Variants in SMYD3 observed in about 807,000 individuals in gnomAD.
SMYD3 encodes the protein SET and MYND domain containing 3.
Under a neutral mutation model 57.7 loss-of-function variants are expected in SMYD3, and 36 were observed. The observed-to-expected ratio is 0.62, with a 90% CI of 0.48 to 0.82. The LOEUF (loss-of-function observed/expected upper bound fraction) is 0.82. Among genes scored for constraint, SMYD3 ranks in the 40% least tolerant of loss-of-function variants. SMYD3 has a pLI of 0.00. For missense variants in SMYD3, 515 were observed against 538.8 expected (o/e 0.96, Z 0.44); for synonymous variants, 211 against 195.0 (o/e 1.08, Z -0.68).
At chr1:246,040,406 GTGACCTTGGGCTCAGAATGGTGC>G (rs1269045772) in intron 5 of SMYD3, among the ~76,000 whole-genome samples, 1 of 152,186 alleles carries the variant, frequency 6.6e-6, no homozygotes, top group East Asian at 1.9e-4. Flanking sequence ...TCACGAAAAT[GTGACCTTGGGCTCAGAATGGTGC>G]TGACCCAACG....
Position 245,955,443 on chromosome 1 carries a change from C to T in SMYD3, c.532-25506G>A, listed in dbSNP as rs374438254. ...GATTGCCAGGTCATAGCTTTTATATCTTTATTCATAGTTTCCTCTTTTAAA... is the reference window on the plus strand; with the variant it reads ...GATTGCCAGGTCATAGCTTTTATATTTTTATTCATAGTTTCCTCTTTTAAA... On this transcript the variant is annotated intron_variant, in intron 5 of 11. Coordinates refer to ENST00000490107, the MANE Select transcript of SMYD3 (RefSeq NM_001167740.2). Among the ~76,000 whole-genome samples, 29 of 152,144 alleles carry T rather than the reference C, an allele frequency of 1.9e-4. No individual in the cohort carries two copies. In the South Asian group the frequency reaches 3.9e-3, roughly 21 times the overall value.
chr1:246,239,550 T>C (rs1321655224), intron 5 of SMYD3, among the ~76,000 whole-genome samples: 1 of 152,246 alleles, frequency 6.6e-6, no homozygotes, highest in Non-Finnish European at 1.5e-5. Context: ...GCAATAAACA[T>C]ACGTGTGCAT....
At chr1:246,234,328 T>C (rs572998993) in intron 5 of SMYD3, among the ~76,000 whole-genome samples, 2 of 151,516 alleles carry the variant, frequency 1.3e-5, no homozygotes, top group East Asian at 3.9e-4. Flanking sequence ...ACTCACACTG[T>C]GATGAACATG....
Position 246,210,970 on chromosome 1 carries a change from G to T in SMYD3, c.531+116231C>A, listed in dbSNP as rs149609263. Among the ~76,000 whole-genome samples the T allele has an allele frequency of 2.2e-3, 340 of 152,242 alleles. 3 individuals are homozygous for T. The highest frequency in any genetic ancestry group is 7.9e-3 in the African/African-American group (326 of 41,510). ...CACCACCACTGTCCCAGGCGCGTCT[G>T]CTGTGAAAGCCGTTGCTTAGCAACA... On this transcript the variant is annotated intron_variant, in intron 5 of 11. Coordinates refer to ENST00000490107, the MANE Select transcript of SMYD3 (RefSeq NM_001167740.2).
At chr1:245,870,553 T>C (rs2052129986) in intron 8 of SMYD3, among the ~76,000 whole-genome samples, 1 of 152,164 alleles carries the variant, frequency 6.6e-6, no homozygotes, top group Admixed American at 6.5e-5. Context: ...CCTTCATCCA[T>C]AGCTGCTGAA....
At chr1:246,199,453 A>G (rs2062875872) in intron 5 of SMYD3, among the ~76,000 whole-genome samples, 1 of 152,238 alleles carries the variant, frequency 6.6e-6, no homozygotes, top group African/African-American at 2.4e-5. Flanking sequence ...ATTATTTCCA[A>G]TTCAGTGCAC....
intron 10 of SMYD3, among the ~76,000 whole-genome samples, chr1:245,803,623 A>G (rs914978780): frequency 2.6e-5 from 4 of 152,236 alleles, no homozygotes; most frequent in African/African-American, 9.7e-5. Context: ...TTATTATGTA[A>G]CAAAACGACA....
chr1:246,504,729 C>T (rs915660216), intron 1 of SMYD3, among the ~76,000 whole-genome samples: 1 of 152,176 alleles, frequency 6.6e-6, no homozygotes, highest in African/African-American at 2.4e-5. Context: ...TTCTGCCAGA[C>T]ATTCATACTA....
intron 5 of SMYD3, among the ~76,000 whole-genome samples, chr1:246,236,701 G>A (rs925193217): frequency 4.6e-5 from 7 of 151,940 alleles, no homozygotes; most frequent in East Asian, 1.9e-4. Context: ...CTGCAGAGGC[G>A]GCATCTCCCT....
At chr1:246,483,959 A>G (rs2103062455) in intron 1 of SMYD3, among the ~76,000 whole-genome samples, 1 of 151,736 alleles carries the variant, frequency 6.6e-6, no homozygotes, top group East Asian at 1.9e-4. Context: ...TTCAACCAAA[A>G]TACCTAAACT....
chr1:245,783,715 A>G (rs996710572), intron 10 of SMYD3, among the ~76,000 whole-genome samples: 1 of 152,194 alleles, frequency 6.6e-6, no homozygotes, highest in African/African-American at 2.4e-5. Context: ...AACTCAACCC[A>G]CGTAAATTAA....
At chr1:246,053,188 C>T (rs570236986) in intron 5 of SMYD3, 1 of 151,816 alleles carries the variant, frequency 6.6e-6, no homozygotes, top group South Asian at 2.1e-4. Flanking sequence ...AAAGTGAGAC[C>T]CTGTCTTAAA....
At chr1:246,182,788 A>T (rs1396587216) in intron 5 of SMYD3, among the ~76,000 whole-genome samples, 1 of 152,148 alleles carries the variant, frequency 6.6e-6, no homozygotes, top group African/African-American at 2.4e-5. Context: ...GGCCATTTCC[A>T]CAATGCCTCT....
In SMYD3 at chr1:246,218,183, T is replaced by C. The variant is rs1472567791; in HGVS notation, c.531+109018A>G. ...TGAGTAAAGTTAAAAACATACCAAA[T>C]TATAACACATAAAAAACTGATTTCA... is the stretch of plus-strand genomic sequence containing the variant. On this transcript the variant is annotated intron_variant, in intron 5 of 11. Coordinates refer to ENST00000490107, the MANE Select transcript of SMYD3 (RefSeq NM_001167740.2). Among the ~76,000 whole-genome samples the C allele has an allele frequency of 3.3e-5, 5 of 150,938 alleles. No individual in the cohort carries two copies. The East Asian group carries it at 9.8e-4, about 30-fold the overall frequency.
intron 5 of SMYD3, chr1:246,109,974 G>A (rs2061204588): frequency 6.6e-6 from 1 of 152,202 alleles, no homozygotes; most frequent in East Asian, 1.9e-4. Context: ...AAGGATAGGA[G>A]CTGAAATAAG....
intron 5 of SMYD3, chr1:246,322,012 A>C (rs1190692898): frequency 6.6e-6 from 1 of 152,294 alleles, no homozygotes. Flanking sequence ...CTGCCTCGGC[A>C]TACCAAAGTG....
intron 5 of SMYD3, among the ~76,000 whole-genome samples, chr1:246,053,993 C>T (rs544262201): frequency 4.7e-4 from 71 of 152,152 alleles, no homozygotes; most frequent in African/African-American, 1.6e-3. Flanking sequence ...AAAGACAAGT[C>T]ACAAGTAAGG....
intron 7 of SMYD3, among the ~76,000 whole-genome samples, chr1:245,919,772 C>A (rs1401797968): frequency 6.6e-6 from 1 of 152,062 alleles, no homozygotes; most frequent in African/African-American, 2.4e-5. Flanking sequence ...GAAACTTGGC[C>A]ATTGATCAGT....
chr1:246,462,571 G>A (rs554801384), intron 1 of SMYD3, among the ~76,000 whole-genome samples: 14 of 152,268 alleles, frequency 9.2e-5, no homozygotes, highest in Admixed American at 9.2e-4. Flanking sequence ...CGCATCCCTT[G>A]ACCCCGAGGC....
Sources: allele counts gnomAD v4.1 joint callset (sites outside exome capture counted in the v4.1 genomes callset), GRCh38; gene constraint gnomAD v4.1.1; transcripts MANE v1.5; gene names NCBI Gene and HGNC (gene_info 2026-07-23, HGNC 2026-07-21).